SLC25A12: variants seen among roughly 807,000 people sequenced by gnomAD.
SLC25A12 encodes the protein electrogenic aspartate/glutamate antiporter SLC25A12, mitochondrial.
SLC25A12 carries 32 observed loss-of-function variants against 83.3 expected under a neutral mutation model. That is an observed-to-expected ratio of 0.38 (90% CI 0.29 to 0.52). The LOEUF (loss-of-function observed/expected upper bound fraction) is 0.52, where lower values mean the gene tolerates loss of function less well. Among genes scored for constraint, SLC25A12 ranks in the 20% least tolerant of loss-of-function variants. SLC25A12 has a pLI of 0.84. For missense variants in SLC25A12, 611 were observed against 835.6 expected (o/e 0.73, Z 3.31); for synonymous variants, 267 against 291.1 (o/e 0.92, Z 0.84).
chr2:171,821,705 C>A (rs140364524), intron 9 of SLC25A12, among the ~76,000 whole-genome samples: 125 of 152,258 alleles, frequency 8.2e-4, no homozygotes, highest in Middle Eastern at 3.4e-3. Context: ...TAAATTTGCA[C>A]AAGTTTATTA....
chr2:171,862,341 T>G lies in SLC25A12; in HGVS notation c.209+6340A>C, dbSNP rs556620034. On this transcript the variant is annotated intron_variant, in intron 3 of 17. Transcript: ENST00000422440. ...TCTGCATTAAATGCATAAAATCATT[T>G]TGCTTTTCATTATACACCAGAACTT... Among the ~76,000 whole-genome samples, 10 of 152,374 alleles carry G rather than the reference T, an allele frequency of 6.6e-5. No homozygotes were observed. The East Asian group carries it at 1.9e-3, about 29-fold the overall frequency.
chr2:171,844,833 T>C (rs1338528796), intron 4 of SLC25A12, among the ~76,000 whole-genome samples: 2 of 152,168 alleles, frequency 1.3e-5, no homozygotes, highest in Non-Finnish European at 2.9e-5. Flanking sequence ...ATAAAATCAA[T>C]AGTGTTTTCC....
At chr2:171,880,558 A>G (rs1417524102) in intron 2 of SLC25A12, among the ~76,000 whole-genome samples, 1 of 152,150 alleles carries the variant, frequency 6.6e-6, no homozygotes, top group African/African-American at 2.4e-5. Flanking sequence ...GATTACAGGC[A>G]TGAGCCTCAA....
chr2:171,850,338 T>G (rs982018817), intron 4 of SLC25A12, among the ~76,000 whole-genome samples: 1 of 11,952 alleles, frequency 8.4e-5, no homozygotes, highest in African/African-American at 1.6e-4. Context: ...CTGGTCTTTG[T>G]TTTTTTTTTT....
At chr2:171,820,789 T>C (rs1295201693) in intron 9 of SLC25A12, among the ~76,000 whole-genome samples, 3 of 150,956 alleles carry the variant, frequency 2.0e-5, no homozygotes, top group Admixed American at 1.3e-4. Context: ...AGGACCAAAA[T>C]TGGTCTATAA....
intron 13 of SLC25A12, among the ~76,000 whole-genome samples, chr2:171,796,251 C>T (rs1683595771): frequency 6.6e-6 from 1 of 152,192 alleles, no homozygotes; most frequent in African/African-American, 2.4e-5. Context: ...CCAGCTGGGA[C>T]TACATTTTAA....
At chr2:171,858,303 T>C (rs149233484) in intron 3 of SLC25A12, among the ~76,000 whole-genome samples, 173 of 152,304 alleles carry the variant, frequency 1.1e-3, no homozygotes, top group Middle Eastern at 3.4e-3. Flanking sequence ...TATAGTGTAT[T>C]TTTCATGCAA....
intron 2 of SLC25A12, among the ~76,000 whole-genome samples, chr2:171,872,941 T>G (rs941091775): frequency 6.6e-6 from 1 of 151,996 alleles, no homozygotes; most frequent in African/African-American, 2.4e-5. Flanking sequence ...ATACATGTAG[T>G]AGAAAAGGCA....
At chr2:171,891,298 CAA>C (rs778681604) in intron 2 of SLC25A12, among the ~76,000 whole-genome samples, 2 of 137,174 alleles carry the variant, frequency 1.5e-5, no homozygotes, top group Non-Finnish European at 3.2e-5. Context: ...GACTCCATCT[CAA>C]AAAAAAAAAA....
chr2:171,871,776 A>C, intron 2 of SLC25A12: 1 of 981,212 alleles, frequency 1.0e-6, no homozygotes, highest in Non-Finnish European at 1.2e-6. Flanking sequence ...CATGGCTTGC[A>C]GAATAAAGTT....
chr2:171,792,003 A>T (rs942136264), intron 14 of SLC25A12, among the ~76,000 whole-genome samples: 1 of 152,200 alleles, frequency 6.6e-6, no homozygotes, highest in Non-Finnish European at 1.5e-5. Flanking sequence ...CCAGGTAAAA[A>T]GCTATAGGCA....
At chr2:171,805,769 T>TTTA (rs1442459473) in intron 13 of SLC25A12, among the ~76,000 whole-genome samples, 19 of 152,196 alleles carry the variant, frequency 1.2e-4, no homozygotes, top group African/African-American at 3.6e-4. Context: ...GGATGCTCAT[T>TTTA]TTATTATTCT....
At chr2:171,855,698 G>A in intron 4 of SLC25A12, 136 bp downstream of exon 4, 2 of 721,196 alleles carry the variant, frequency 2.8e-6, no homozygotes, top group South Asian at 1.6e-5. Flanking sequence ...ATCATTATCT[G>A]CATAAATCCT....
At chr2:171,890,029 T>A (rs565271677) in intron 2 of SLC25A12, among the ~76,000 whole-genome samples, 1 of 152,230 alleles carries the variant, frequency 6.6e-6, no homozygotes, top group Non-Finnish European at 1.5e-5. Flanking sequence ...AGGCTATGCA[T>A]TTGCCTTCAC....
chr2:171,868,900 G>C, intron 2 of SLC25A12, 77 bp from the exon 3 acceptor site: 1 of 1,297,020 alleles, frequency 7.7e-7, no homozygotes, highest in Non-Finnish European at 1.1e-6. Context: ...TTTGTGAAAA[G>C]GTAAATTAAA....
intron 9 of SLC25A12, among the ~76,000 whole-genome samples, chr2:171,817,844 T>C (rs1402824177): frequency 6.6e-6 from 1 of 152,178 alleles, no homozygotes; most frequent in African/African-American, 2.4e-5. Flanking sequence ...TGTATTCAAC[T>C]GCATATATTT....
At chr2:171,841,237 A>C (rs1378485369) in intron 5 of SLC25A12, among the ~76,000 whole-genome samples, 1 of 152,076 alleles carries the variant, frequency 6.6e-6, no homozygotes, top group Non-Finnish European at 1.5e-5. Flanking sequence ...CTGCCACCAC[A>C]CCTGGCTAAT....
Position 171,785,144 on chromosome 2 carries a change from G to A in SLC25A12, c.*130C>T. On this transcript the variant is annotated 3_prime_UTR_variant, in exon 18 of 18. Transcript: ENST00000422440. ...ATTTTATAAACAAGTATATGTATAT[G>A]TCATACAGAAAGAAGAGTTTGACTC... 1.2e-6 allele frequency: 1 copy of A among 802,394 alleles called. No homozygotes were observed. The highest frequency in any genetic ancestry group is 2.1e-6 in the Non-Finnish European group (1 of 468,760). 49.7% of individuals were successfully genotyped at this position (802,394 alleles called of 1,614,324 possible).
At chr2:171,869,083 A>T (rs1017788953) in intron 2 of SLC25A12, among the ~76,000 whole-genome samples, 7 of 152,218 alleles carry the variant, frequency 4.6e-5, no homozygotes, top group African/African-American at 1.7e-4. Context: ...ACTAAAGGCC[A>T]TATATTATGT....
Sources: allele counts gnomAD v4.1 joint callset (sites outside exome capture counted in the v4.1 genomes callset), GRCh38; gene constraint gnomAD v4.1.1; transcripts MANE v1.5; gene names NCBI Gene and HGNC (gene_info 2026-07-23, HGNC 2026-07-21).